Variants in ACYP2 observed in about 807,000 individuals in gnomAD.
ACYP2 encodes the protein acylphosphatase 2.
A neutral mutation model predicts 11.2 loss-of-function variants in ACYP2; 12 were observed. The observed-to-expected ratio is 1.08, with a 90% confidence interval of 0.69 to 1.74. The LOEUF (loss-of-function observed/expected upper bound fraction) is 1.74, where lower values mean the gene tolerates loss of function less well. ACYP2 is among the 40% of genes most tolerant of loss of function. The probability of loss-of-function intolerance (pLI) is 0.00; values close to 1 mark genes in which losing one functional copy is unlikely to be tolerated. For missense variants in ACYP2, 134 were observed against 101.9 expected, an observed-to-expected ratio of 1.31 and a Z score of -1.35; for synonymous variants, 43 against 32.2, an observed-to-expected ratio of 1.33 and a Z score of -1.13.
At chr2:54,281,008 C>T (rs1228790812) in intron 6 of ACYP2, among the ~76,000 whole-genome samples, 1 of 152,128 alleles carries the variant, frequency 6.6e-6, no homozygotes, top group East Asian at 1.9e-4. Context: ...GAATTTATCT[C>T]TATGAGGCTA....
At position 54,165,644 on chromosome 2, in the gene ACYP2, C is replaced by T. The variant is rs1682936252; in HGVS notation, c.404+26896C>T. ...CACTTGAAGGCAATACTATATGATGCCCCATCCATGTTAAGATGGTTCACA... is the reference window on the plus strand; with the variant it reads ...CACTTGAAGGCAATACTATATGATGTCCCATCCATGTTAAGATGGTTCACA... On this transcript the variant is annotated intron_variant, in intron 6 of 6. Transcript: ENST00000607452. Among the ~76,000 whole-genome samples, 3 of 151,872 alleles carry T rather than the reference C, an allele frequency of 2.0e-5. No homozygotes were observed. In the South Asian group the frequency reaches 6.2e-4, roughly 32 times the overall value.
At chr2:53,971,996 T>C (rs762323135) in intron 1 of ACYP2, among the ~76,000 whole-genome samples, 2 of 152,244 alleles carry the variant, frequency 1.3e-5, no homozygotes, top group Non-Finnish European at 2.9e-5. Flanking sequence ...AGTGGGATGA[T>C]ATAATTTACA....
intron 6 of ACYP2, among the ~76,000 whole-genome samples, chr2:54,286,003 G>A (rs1341080017): frequency 2.0e-5 from 3 of 152,182 alleles, no homozygotes; most frequent in Non-Finnish European, 4.4e-5. Context: ...GATGCTTCTT[G>A]ACTTATGATA....
At chr2:54,256,226 T>C (rs1687525934) in intron 6 of ACYP2, 3 of 1,513,108 alleles carry the variant, frequency 2.0e-6, no homozygotes, top group Non-Finnish European at 1.8e-6. Flanking sequence ...TCACACAAAA[T>C]GGCGAGTAAA....
At chr2:54,144,032 C>T (rs577174706) in intron 6 of ACYP2, among the ~76,000 whole-genome samples, 1 of 152,214 alleles carries the variant, frequency 6.6e-6, no homozygotes, top group African/African-American at 2.4e-5. Context: ...TGCAATGGCA[C>T]AATCACAGCT....
intron 6 of ACYP2, among the ~76,000 whole-genome samples, chr2:54,146,319 G>C (rs1423342326): frequency 6.6e-6 from 1 of 152,108 alleles, no homozygotes; most frequent in Non-Finnish European, 1.5e-5. Context: ...ATCTGCCTTT[G>C]TGCATGTTTT....
intron 2 of ACYP2, among the ~76,000 whole-genome samples, chr2:53,976,652 A>G (rs909214564): frequency 2.6e-5 from 4 of 152,178 alleles, no homozygotes; most frequent in Admixed American, 6.5e-5. Flanking sequence ...AGAATATTAG[A>G]TCTGAGAAAT....
intron 6 of ACYP2, among the ~76,000 whole-genome samples, chr2:54,257,457 T>C (rs943016770): frequency 2.0e-5 from 3 of 152,236 alleles, no homozygotes; most frequent in Non-Finnish European, 2.9e-5. Context: ...TGTCTAACTT[T>C]AATAGGACAG....
intron 6 of ACYP2, among the ~76,000 whole-genome samples, chr2:54,176,370 C>G (rs72908727): frequency 0.049 from 7,424 of 152,154 alleles, 272 homozygotes; most frequent in African/African-American, 0.095. Flanking sequence ...AGATGGAAGC[C>G]ATACATTGAA....
At chr2:54,085,856 A>G (rs542426077) in intron 4 of ACYP2, among the ~76,000 whole-genome samples, 2 of 152,194 alleles carry the variant, frequency 1.3e-5, no homozygotes, top group African/African-American at 4.8e-5. Flanking sequence ...TTTTCAAAAT[A>G]AAATGTTGGG....
At chr2:54,018,101 TAACCTAGC>T (rs1673797603) in intron 2 of ACYP2, among the ~76,000 whole-genome samples, 1 of 152,166 alleles carries the variant, frequency 6.6e-6, no homozygotes, top group Non-Finnish European at 1.5e-5. Flanking sequence ...ACCTGTGTTG[TAACCTAGC>T]AACCCAGAGC....
chr2:54,210,694 A>C (rs578028916), intron 6 of ACYP2, among the ~76,000 whole-genome samples: 2 of 151,382 alleles, frequency 1.3e-5, no homozygotes, highest in South Asian at 4.2e-4. Context: ...AGTATTAATA[A>C]TTTTCAGTCT....
intron 6 of ACYP2, among the ~76,000 whole-genome samples, chr2:54,179,574 G>A (rs1271928089): frequency 6.6e-6 from 1 of 152,092 alleles, no homozygotes; most frequent in Non-Finnish European, 1.5e-5. Flanking sequence ...AACAAGGGGT[G>A]GATTATTCAT....
intron 6 of ACYP2, among the ~76,000 whole-genome samples, chr2:54,300,510 C>A (rs1489459030): frequency 6.6e-6 from 1 of 152,238 alleles, no homozygotes; most frequent in Non-Finnish European, 1.5e-5. Context: ...CACCTTGAGA[C>A]AACTGTGAAG....
At chr2:53,973,891 GTGTGTGTGTGTA>G (rs1435175689) in intron 2 of ACYP2, 3 of 73,508 alleles carry the variant, frequency 4.1e-5, no homozygotes, top group Non-Finnish European at 7.3e-5. Context: ...GTGTGTGTGT[GTGTGTGTGTGTA>G]TATATTTTTT....
intron 6 of ACYP2, among the ~76,000 whole-genome samples, chr2:54,195,383 A>G (rs887716442): frequency 1.3e-5 from 2 of 152,240 alleles, no homozygotes; most frequent in South Asian, 4.1e-4. Context: ...TTTCACGACT[A>G]TAGTTAATAG....
At chr2:54,018,092 C>T (rs930599839) in intron 2 of ACYP2, among the ~76,000 whole-genome samples, 1 of 152,142 alleles carries the variant, frequency 6.6e-6, no homozygotes, top group Non-Finnish European at 1.5e-5. Flanking sequence ...AGACGATGGA[C>T]CTGTGTTGTA....
chr2:54,231,800 G>T (rs990689132), intron 6 of ACYP2, among the ~76,000 whole-genome samples: 18 of 152,098 alleles, frequency 1.2e-4, no homozygotes, highest in African/African-American at 4.3e-4. Context: ...TGCCTCTCGG[G>T]CACGCCACCA....
intron 6 of ACYP2, among the ~76,000 whole-genome samples, chr2:54,245,986 T>C: frequency 6.6e-6 from 1 of 152,210 alleles, no homozygotes; most frequent in Admixed American, 6.5e-5. Flanking sequence ...TTTATAGTTT[T>C]AGGTATTACA....
Sources: gnomAD v4.1 joint callset for allele counts (sites outside exome capture counted in the v4.1 genomes callset) on GRCh38, gnomAD v4.1.1 for gene constraint, MANE v1.5 for transcripts, NCBI Gene and HGNC (gene_info 2026-07-23, HGNC 2026-07-21) for gene names.